Variants in CCDC63 observed in about 807,000 individuals in gnomAD.
The protein encoded by CCDC63 is coiled-coil domain containing 63, also known as coiled-coil domain-containing protein 63.
CCDC63 carries 54 observed loss-of-function variants against 63.6 expected under a neutral mutation model. That is an observed-to-expected ratio of 0.85 (90% CI 0.68 to 1.07). The LOEUF is 1.07. Ranked by LOEUF, CCDC63 falls within the 50% of genes least tolerant of loss-of-function variation. The probability of loss-of-function intolerance (pLI) is 0.00; values close to 1 mark genes in which losing one functional copy is unlikely to be tolerated. For synonymous variants in CCDC63, 253 were observed against 266.1 expected, an observed-to-expected ratio of 0.95 and a Z score of 0.48; for missense variants, 637 against 689.6, an observed-to-expected ratio of 0.92 and a Z score of 0.86.
At chr12:110,860,401 G>A (rs2070838103) in intron 4 of CCDC63, among the ~76,000 whole-genome samples, 1 of 152,150 alleles carries the variant, frequency 6.6e-6, no homozygotes, top group Non-Finnish European at 1.5e-5. Context: ...TAAGCAGCCT[G>A]ACAGCTTCAC....
chr12:110,897,862 C>A (rs2071433915), intron 9 of CCDC63, among the ~76,000 whole-genome samples: 1 of 151,674 alleles, frequency 6.6e-6, no homozygotes, highest in South Asian at 2.1e-4. Flanking sequence ...TCCCCAGTAG[C>A]TGGAATTACA....
At chr12:110,898,774 T>G (rs770653819) in intron 9 of CCDC63, among the ~76,000 whole-genome samples, 159 bp from the exon 10 acceptor site, 5 of 152,140 alleles carry the variant, frequency 3.3e-5, no homozygotes, top group Non-Finnish European at 7.3e-5. Flanking sequence ...TCTATTTTAT[T>G]TTATTTCTTT....
chr12:110,873,854 GA>G lies in CCDC63; in HGVS notation c.391del (p.Ile131SerfsTer31), dbSNP rs770908716. ...AELDEKILQM[E>X]KKIANQKQIF... Reference sequence around the variant, plus strand: ...CTCTCTTTTTCAGATTCTTCAGATGGAAAAAAAAATCGCAAACCAAAAACAG... The same window carrying G: ...CTCTCTTTTTCAGATTCTTCAGATGGAAAAAAAATCGCAAACCAAAAACAG... On this transcript the variant is annotated frameshift_variant, in exon 5 of 12. Transcript: ENST00000308208. LOFTEE classifies it high-confidence loss of function. 9.3e-4 allele frequency: 1,487 copies of G among 1,599,634 alleles called. 5 individuals are homozygous for G. The highest frequency in any genetic ancestry group is 9.1e-4 in the Non-Finnish European group (1,062 of 1,172,050).
chr12:110,883,931 T>C (rs1008658040), intron 7 of CCDC63, 99 bp from the exon 8 acceptor site: 10 of 951,776 alleles, frequency 1.1e-5, no homozygotes, highest in East Asian at 4.8e-5. Context: ...TGAGTCACCA[T>C]GCCTGGCCAC....
intron 6 of CCDC63, among the ~76,000 whole-genome samples, chr12:110,880,680 C>T (rs181456086): frequency 0.014 from 13 of 926 alleles, no homozygotes; most frequent in African/African-American, 0.03. Context: ...ATGGTGGTGA[C>T]GATAATGATG....
chr12:110,863,515 C>A (rs910718318), intron 4 of CCDC63, among the ~76,000 whole-genome samples: 1 of 150,632 alleles, frequency 6.6e-6, no homozygotes, highest in African/African-American at 2.4e-5. Flanking sequence ...AACAAAATAT[C>A]TGACTGGAAA....
intron 4 of CCDC63, among the ~76,000 whole-genome samples, chr12:110,860,348 C>T (rs368713643): frequency 6.2e-4 from 94 of 152,290 alleles, no homozygotes; most frequent in African/African-American, 2.3e-3. Flanking sequence ...ATAGCTCTTC[C>T]CACCATTGTC....
intron 9 of CCDC63, among the ~76,000 whole-genome samples, chr12:110,893,821 A>G (rs918333384): frequency 1.3e-5 from 2 of 152,002 alleles, no homozygotes; most frequent in Admixed American, 1.3e-4. Flanking sequence ...CCCTGGTGAA[A>G]CCCCATCTCT....
intron 10 of CCDC63, among the ~76,000 whole-genome samples, chr12:110,901,489 A>G (rs2071486823): frequency 6.6e-6 from 1 of 151,916 alleles, no homozygotes; most frequent in Non-Finnish European, 1.5e-5. Context: ...TGGCCTCCCA[A>G]AGTGCTGGGA....
At chr12:110,880,253 G>T (rs896396765) in intron 6 of CCDC63, among the ~76,000 whole-genome samples, 166 bp downstream of exon 6, 5 of 152,156 alleles carry the variant, frequency 3.3e-5, no homozygotes, top group African/African-American at 1.2e-4. Context: ...ATGATGCTAG[G>T]TACTCTGGTG....
intron 10 of CCDC63, among the ~76,000 whole-genome samples, chr12:110,902,604 C>T (rs1317418713): frequency 6.6e-6 from 1 of 152,168 alleles, no homozygotes; most frequent in African/African-American, 2.4e-5. Context: ...CCTCTCACCG[C>T]AGTCCTAGTG....
intron 4 of CCDC63, among the ~76,000 whole-genome samples, chr12:110,868,587 G>T (rs962224825): frequency 1.3e-5 from 2 of 151,728 alleles, no homozygotes; most frequent in Admixed American, 6.6e-5. Flanking sequence ...CAGGTGTGGC[G>T]GCGCGTGCCT....
Position 110,873,819 on chromosome 12 carries a change from TTCTC to T in CCDC63, c.370-11_370-8del, listed in dbSNP as rs752168641. The T allele has an allele frequency of 3.1e-5, 49 of 1,596,726 alleles. 1 individual carries two copies. Among genetic ancestry groups the T allele is most frequent in the South Asian group, 2.6e-4 (23 of 89,402 alleles). On this transcript the variant is annotated intron_variant, in intron 4 of 11. Coordinates refer to ENST00000308208, the MANE Select transcript of CCDC63 (RefSeq NM_152591.3). The stretch of plus-strand genomic sequence containing the variant: ...ATACAGATGCTAACACAGCTGGAAT[TTCTC>T]TCTCTCTCTCTTTTTCAGATTCTTC...
At chr12:110,871,498 CCTTCCTTT>C (rs2071066319) in intron 4 of CCDC63, among the ~76,000 whole-genome samples, 1 of 150,404 alleles carries the variant, frequency 6.6e-6, no homozygotes, top group Non-Finnish European at 1.5e-5. Context: ...TTCCTTCCTT[CCTTCCTTT>C]CTTTCTTTCC....
chr12:110,850,282 A>T (rs1460668772), intron 1 of CCDC63, among the ~76,000 whole-genome samples: 1 of 152,228 alleles, frequency 6.6e-6, no homozygotes, highest in Non-Finnish European at 1.5e-5. Context: ...CTCACATCCC[A>T]TTGGTGAGAA....
chr12:110,904,457 T>C, intron 10 of CCDC63, 131 bp from the exon 11 acceptor site: 1 of 718,784 alleles, frequency 1.4e-6, no homozygotes, highest in Non-Finnish European at 2.4e-6. Context: ...GCCTTTTCCT[T>C]GTCAGAGCCC....
At chr12:110,888,247 T>G (rs2071310272) in intron 8 of CCDC63, among the ~76,000 whole-genome samples, 1 of 152,074 alleles carries the variant, frequency 6.6e-6, no homozygotes, top group South Asian at 2.1e-4. Context: ...GGCCTGGAAG[T>G]GGGCAGGACC....
Position 110,904,631 on chromosome 12 carries a change from C to T in CCDC63, c.1386C>T (p.Thr462=). ...KKTNDLLLLE[T]YRRILEVEGA... Reference sequence around the variant, plus strand: ...CCAACGACCTGCTGCTGTTGGAGACCTACAGGCGCATCCTGGAAGTGGAAG... The same window carrying T: ...CCAACGACCTGCTGCTGTTGGAGACTTACAGGCGCATCCTGGAAGTGGAAG... The change falls in exon 11 of 12, where the codon ACC becomes ACT. Residue 462 remains threonine, a synonymous_variant. Transcript: ENST00000308208. 1.2e-6 allele frequency: 2 copies of T among 1,614,054 alleles called. No individual in the cohort carries two copies. Among genetic ancestry groups the T allele is most frequent in the East Asian group, 4.5e-5 (2 of 44,864 alleles).
At chr12:110,868,761 G>A (rs1366102246) in intron 4 of CCDC63, among the ~76,000 whole-genome samples, 2 of 113,430 alleles carry the variant, frequency 1.8e-5, no homozygotes, top group Non-Finnish European at 3.7e-5. Context: ...GGGGAAGGGG[G>A]AGGGGGAGGG....
Sources: allele counts gnomAD v4.1 joint callset (sites outside exome capture counted in the v4.1 genomes callset), GRCh38; gene constraint gnomAD v4.1.1; transcripts MANE v1.5; gene names NCBI Gene and HGNC (gene_info 2026-07-23, HGNC 2026-07-21).